NTM: variants seen among roughly 807,000 people sequenced by gnomAD.
NTM encodes neurotrimin.
Under a neutral mutation model 42.1 loss-of-function variants are expected in NTM, and 13 were observed. That is an observed-to-expected ratio of 0.31 (90% CI 0.20 to 0.49). NTM has a LOEUF of 0.49. NTM is among the 20% of genes least tolerant of loss of function. NTM has a pLI of 0.99. For synonymous variants in NTM, 187 were observed against 179.2 expected, an observed-to-expected ratio of 1.04 and a Z score of -0.35; for missense variants, 373 against 452.8, an observed-to-expected ratio of 0.82 and a Z score of 1.60.
At chr11:132,277,771 T>C (rs948498255) in intron 4 of NTM, among the ~76,000 whole-genome samples, 1 of 152,168 alleles carries the variant, frequency 6.6e-6, no homozygotes, top group Non-Finnish European at 1.5e-5. Flanking sequence ...CAAAATGAGA[T>C]TGTTACAATA....
intron 7 of NTM, among the ~76,000 whole-genome samples, chr11:132,317,285 A>C (rs549895886): frequency 5.1e-4 from 78 of 152,128 alleles, no homozygotes; most frequent in African/African-American, 1.8e-3. Flanking sequence ...TCCTAAGATG[A>C]AACGATGGGG....
intron 4 of NTM, among the ~76,000 whole-genome samples, chr11:132,292,594 C>T (rs1012796650): frequency 2.0e-5 from 3 of 151,208 alleles, no homozygotes; most frequent in South Asian, 2.1e-4. Flanking sequence ...TATGAGTGTA[C>T]GGAGAAGCCA....
intron 2 of NTM, chr11:131,981,417 A>G (rs970519122): frequency 1.3e-5 from 2 of 152,176 alleles, no homozygotes; most frequent in African/African-American, 2.4e-5. Flanking sequence ...TCCCTTTCCA[A>G]TCACGAGCTG....
intron 1 of NTM, among the ~76,000 whole-genome samples, chr11:131,678,259 G>C (rs1222776520): frequency 1.3e-5 from 2 of 152,352 alleles, no homozygotes; most frequent in East Asian, 3.9e-4. Flanking sequence ...GGGCACTCGT[G>C]AGTTGTCTCC....
intron 4 of NTM, among the ~76,000 whole-genome samples, chr11:132,305,820 T>C (rs1214763104): frequency 6.6e-6 from 1 of 152,222 alleles, no homozygotes; most frequent in Admixed American, 6.5e-5. Flanking sequence ...GTCTTACTGG[T>C]AGGAACTATG....
chr11:132,176,150 A>G (rs1207177007), intron 3 of NTM, among the ~76,000 whole-genome samples: 2 of 152,212 alleles, frequency 1.3e-5, no homozygotes, highest in Non-Finnish European at 2.9e-5. Context: ...TGTATGTGGA[A>G]GAGAAGCAGT....
rs1307135149 is a variant in NTM, at chr11:132,148,383, G to A, written c.400+1869G>A. ...TGTGGGCAGGGCTGGTGAATGCCCT[G>A]GTGCCACCATCTGCATACTCTACCA... is the stretch of plus-strand genomic sequence containing the variant. On this transcript the variant is annotated intron_variant, in intron 3 of 8. Transcript: ENST00000683400. Among the ~76,000 whole-genome samples, 8 of 152,146 alleles carry A rather than the reference G, an allele frequency of 5.3e-5. No homozygotes were observed. The South Asian group carries it at 6.2e-4, about 12-fold the overall frequency.
At chr11:131,450,176 T>C (rs1550976) in intron 1 of NTM, among the ~76,000 whole-genome samples, 113,993 of 152,106 alleles carry the variant, frequency 0.75, 43,242 homozygotes, top group East Asian at 0.97. Flanking sequence ...CACTCCCATG[T>C]GGGCCAGTCT....
At chr11:131,401,814 A>ATATATATATATATATATATG (rs1565465229) in intron 1 of NTM, among the ~76,000 whole-genome samples, 1 of 27,200 alleles carries the variant, frequency 3.7e-5, no homozygotes, top group African/African-American at 2.1e-4. Context: ...ATATATATAT[A>ATATATATATATATATATATG]TATATATATA....
intron 2 of NTM, among the ~76,000 whole-genome samples, chr11:132,081,193 G>A (rs2058990591): frequency 6.6e-6 from 1 of 152,180 alleles, no homozygotes; most frequent in East Asian, 1.9e-4. Flanking sequence ...GACTGGTGCA[G>A]GAAATGGTGA....
chr11:131,761,741 G>A (rs1476478549), intron 1 of NTM, among the ~76,000 whole-genome samples: 2 of 151,878 alleles, frequency 1.3e-5, no homozygotes, highest in African/African-American at 4.8e-5. Flanking sequence ...CCTGGCAGGC[G>A]GAGGTTGTGG....
rs189378340 is a variant in NTM at position 131,923,168 on chromosome 11, C to T, written c.167+11520C>T. On this transcript the variant is annotated intron_variant, in intron 2 of 8. Coordinates refer to ENST00000683400, the MANE Select transcript of NTM (RefSeq NM_001352005.2). ...TAACTTTCTTCATGGCCTGTAACAC[C>T]TAGAGAAGTCTGTTATTTATGTATG... Among the ~76,000 whole-genome samples, 6 of 152,252 alleles carry T rather than the reference C, an allele frequency of 3.9e-5. No homozygotes were observed. In the East Asian group the frequency reaches 1.2e-3, roughly 29 times the overall value.
At chr11:132,180,491 A>G (rs2077405870) in intron 3 of NTM, among the ~76,000 whole-genome samples, 1 of 152,184 alleles carries the variant, frequency 6.6e-6, no homozygotes, top group South Asian at 2.1e-4. Context: ...ATACAACTGA[A>G]TGGCTTCCCA....
intron 1 of NTM, among the ~76,000 whole-genome samples, chr11:131,841,664 A>G (rs980156757): frequency 6.6e-6 from 1 of 152,162 alleles, no homozygotes; most frequent in Non-Finnish European, 1.5e-5. Flanking sequence ...CTGCTATCAG[A>G]TAGGGAGGCA....
chr11:131,944,742 T>C (rs140836438), intron 2 of NTM, among the ~76,000 whole-genome samples: 8 of 152,324 alleles, frequency 5.3e-5, no homozygotes, highest in Admixed American at 2.0e-4. Flanking sequence ...TAAGCAAATG[T>C]GTACAGCACA....
chr11:131,629,328 T>G (rs2063431217), intron 1 of NTM, among the ~76,000 whole-genome samples: 1 of 152,160 alleles, frequency 6.6e-6, no homozygotes, highest in African/African-American at 2.4e-5. Context: ...CCAGTTGTGA[T>G]AGAATGGAGT....
At chr11:132,031,086 G>A (rs199665698) in intron 2 of NTM, among the ~76,000 whole-genome samples, 10 of 152,112 alleles carry the variant, frequency 6.6e-5, no homozygotes, top group Non-Finnish European at 1.5e-4. Context: ...TACAAACATC[G>A]TGCAGGCCAA....
chr11:131,876,884 A>G (rs2048613178), intron 1 of NTM, among the ~76,000 whole-genome samples: 2 of 150,344 alleles, frequency 1.3e-5, no homozygotes, highest in African/African-American at 4.9e-5. Context: ...TTTGAGACAG[A>G]GTCTCACTCT....
At chr11:131,671,315 T>C (rs759239565) in intron 1 of NTM, 2 of 523,882 alleles carry the variant, frequency 3.8e-6, no homozygotes, top group South Asian at 8.2e-5. Flanking sequence ...ATCTGGCGTC[T>C]ATACTCATCC....
Sources: gnomAD v4.1 joint callset for allele counts (sites outside exome capture counted in the v4.1 genomes callset) on GRCh38, gnomAD v4.1.1 for gene constraint, MANE v1.5 for transcripts, NCBI Gene and HGNC (gene_info 2026-07-23, HGNC 2026-07-21) for gene names.